OPCML: variants seen among roughly 807,000 people sequenced by gnomAD.
OPCML encodes the protein opioid binding protein/cell adhesion molecule like.
A neutral mutation model predicts 37.8 loss-of-function variants in OPCML; 13 were observed. That is an observed-to-expected ratio of 0.34 (90% confidence interval 0.22 to 0.55). The LOEUF (loss-of-function observed/expected upper bound fraction) is 0.55. Among genes scored for constraint, OPCML ranks in the 20% least tolerant of loss-of-function variants. The pLI is 0.91. For synonymous variants in OPCML, 176 were observed against 168.8 expected, an observed-to-expected ratio of 1.04 and a Z score of -0.33; for missense variants, 341 against 435.6, an observed-to-expected ratio of 0.78 and a Z score of 1.93.
At chr11:132,791,774 G>C (rs1434804795) in intron 2 of OPCML, among the ~76,000 whole-genome samples, 2 of 152,128 alleles carry the variant, frequency 1.3e-5, no homozygotes, top group African/African-American at 4.8e-5. Context: ...CTCAAATAAA[G>C]CTTGCCTCCC....
intron 1 of OPCML, among the ~76,000 whole-genome samples, chr11:133,234,769 C>A (rs183078809): frequency 6.6e-6 from 1 of 152,174 alleles, no homozygotes; most frequent in African/African-American, 2.4e-5. Flanking sequence ...TAATCACCTG[C>A]GGATCTCTCC....
intron 1 of OPCML, among the ~76,000 whole-genome samples, chr11:133,172,912 G>A (rs1232533596): frequency 6.6e-6 from 1 of 152,164 alleles, no homozygotes; most frequent in African/African-American, 2.4e-5. Flanking sequence ...TATAAGGTAA[G>A]TACTATTTGG....
intron 1 of OPCML, among the ~76,000 whole-genome samples, chr11:133,403,604 G>A (rs1945458489): frequency 6.6e-6 from 1 of 152,224 alleles, no homozygotes; most frequent in African/African-American, 2.4e-5. Context: ...CCTCTTAGGA[G>A]ATTACCCTTT....
At chr11:133,026,405 C>T in intron 1 of OPCML, 1 of 985,432 alleles carries the variant, frequency 1.0e-6, no homozygotes, top group Non-Finnish European at 1.2e-6. Flanking sequence ...TTGCCTGCCT[C>T]TTCTTTAGGG....
chr11:132,951,209 G>A (rs919222619), intron 1 of OPCML, among the ~76,000 whole-genome samples: 1 of 152,212 alleles, frequency 6.6e-6, no homozygotes, highest in African/African-American at 2.4e-5. Context: ...ACTTGTGAGT[G>A]TATGTCTCAG....
intron 1 of OPCML, among the ~76,000 whole-genome samples, chr11:133,501,273 G>A (rs921473724): frequency 2.6e-5 from 4 of 151,928 alleles, no homozygotes; most frequent in African/African-American, 9.7e-5. Flanking sequence ...CCCTTCATTG[G>A]AGACTTCCTA....
chr11:133,189,046 G>T (rs1181938439), intron 1 of OPCML, among the ~76,000 whole-genome samples: 10 of 151,974 alleles, frequency 6.6e-5, no homozygotes, highest in Non-Finnish European at 1.3e-4. Flanking sequence ...AAATAAATGG[G>T]CAAAAAATAT....
At chr11:133,230,834 G>A (rs11223405) in intron 1 of OPCML, among the ~76,000 whole-genome samples, 2,245 of 152,252 alleles carry the variant, frequency 0.015, 48 homozygotes, top group East Asian at 0.1. Flanking sequence ...CCAGGGCTCT[G>A]CAGATCTGGC....
intron 2 of OPCML, among the ~76,000 whole-genome samples, chr11:132,706,645 A>G (rs1015679818): frequency 6.6e-6 from 1 of 152,138 alleles, no homozygotes; most frequent in African/African-American, 2.4e-5. Flanking sequence ...CCTCTCCTCT[A>G]ACCCCCTACT....
At position 132,509,356 on chromosome 11, in the gene OPCML, AT is replaced by A. The variant is rs747927951; in HGVS notation, c.505+19704del. On this transcript the variant is annotated intron_variant, in intron 4 of 7. Transcript: ENST00000524381. ...CTGACTACGTGATAGAAAAAAAAAA[AT>A]TTCTAGGGAGAAATTCACGCCAGCT... Among the ~76,000 whole-genome samples the A allele has an allele frequency of 5.9e-4, 89 of 150,422 alleles. 1 individual carries two copies. Among genetic ancestry groups the A allele is most frequent in the Non-Finnish European group, 1.0e-3 (70 of 67,284 alleles).
rs557821441 is a variant in OPCML, at chr11:132,477,498, C to A, written c.506-40139G>T. Among the ~76,000 whole-genome samples the A allele has an allele frequency of 1.1e-4, 16 of 152,270 alleles. No individual in the cohort carries two copies. The East Asian group carries it at 2.7e-3, about 26-fold the overall frequency. On this transcript the variant is annotated intron_variant, in intron 4 of 7. Coordinates refer to ENST00000524381, the MANE Select transcript of OPCML (RefSeq NM_001012393.5). ...GAGTGGGAAGCCTTCTGGGGCTAGG[C>A]ATACCTTCTGTGTTGGAAGCAACTG...
intron 1 of OPCML, among the ~76,000 whole-genome samples, chr11:133,249,841 G>T (rs950855579): frequency 2.0e-5 from 3 of 152,188 alleles, no homozygotes; most frequent in Non-Finnish European, 4.4e-5. Context: ...AATGCTAGAA[G>T]GCAGTCCAAC....
chr11:132,994,419 G>T (rs369445540), intron 1 of OPCML, among the ~76,000 whole-genome samples: 6 of 152,218 alleles, frequency 3.9e-5, no homozygotes, highest in Non-Finnish European at 8.8e-5. Context: ...AAAAGGGGCG[G>T]CCTCACCGGA....
chr11:133,443,151 C>G (rs901273202), intron 1 of OPCML, among the ~76,000 whole-genome samples: 7 of 152,184 alleles, frequency 4.6e-5, no homozygotes, highest in Admixed American at 1.3e-4. Context: ...CATACCATCA[C>G]AGCAATTCAG....
intron 1 of OPCML, among the ~76,000 whole-genome samples, chr11:133,044,261 A>G (rs1444906534): frequency 6.6e-6 from 1 of 152,186 alleles, no homozygotes; most frequent in Non-Finnish European, 1.5e-5. Flanking sequence ...AGCTAGAGAA[A>G]GGGGTAAAAG....
intron 4 of OPCML, among the ~76,000 whole-genome samples, chr11:132,526,758 C>A (rs904853079): frequency 1.3e-5 from 2 of 152,080 alleles, no homozygotes; most frequent in African/African-American, 2.4e-5. Flanking sequence ...AATATAATTA[C>A]CTACAATAAA....
chr11:133,371,931 A>T (rs1201577865), intron 1 of OPCML, among the ~76,000 whole-genome samples: 2 of 152,176 alleles, frequency 1.3e-5, no homozygotes, highest in East Asian at 3.8e-4. Flanking sequence ...CAGAAAGACA[A>T]ATATTGCATG....
chr11:132,587,535 G>T (rs1187563839), intron 3 of OPCML, among the ~76,000 whole-genome samples: 1 of 152,174 alleles, frequency 6.6e-6, no homozygotes, highest in Non-Finnish European at 1.5e-5. Flanking sequence ...CACCAGTGAT[G>T]CTGAGGATGT....
At chr11:133,369,423 G>C (rs530527345) in intron 1 of OPCML, among the ~76,000 whole-genome samples, 4 of 152,120 alleles carry the variant, frequency 2.6e-5, no homozygotes, top group Non-Finnish European at 5.9e-5. Flanking sequence ...AGCAAGAAAG[G>C]CCAAGTTATT....
Sources: gnomAD v4.1 joint callset for allele counts (sites outside exome capture counted in the v4.1 genomes callset) on GRCh38, gnomAD v4.1.1 for gene constraint, MANE v1.5 for transcripts, NCBI Gene and HGNC (gene_info 2026-07-23, HGNC 2026-07-21) for gene names.